RXFP1: variants seen among roughly 807,000 people sequenced by gnomAD.
RXFP1 encodes relaxin receptor 1.
RXFP1 carries 73 observed loss-of-function variants against 89.8 expected under a neutral mutation model. The observed-to-expected ratio is 0.81, with a 90% confidence interval of 0.67 to 0.99. RXFP1 has a LOEUF of 0.99. Among genes scored for constraint, RXFP1 ranks in the 50% least tolerant of loss-of-function variants. RXFP1 has a pLI of 0.00. For missense variants in RXFP1, 793 were observed against 895.5 expected (o/e 0.89, Z 1.46); for synonymous variants, 277 against 305.5 (o/e 0.91, Z 0.97).
intron 1 of RXFP1, among the ~76,000 whole-genome samples, chr4:158,564,904 A>T (rs564924066): frequency 6.6e-6 from 1 of 152,242 alleles, no homozygotes; most frequent in African/African-American, 2.4e-5. Flanking sequence ...CCCTATAAAC[A>T]TCACTTACTG....
At chr4:158,608,279 C>CTTTTTTTTTT (rs756131500) in intron 6 of RXFP1, among the ~76,000 whole-genome samples, 3 of 76,102 alleles carry the variant, frequency 3.9e-5, no homozygotes, top group Admixed American at 1.6e-4. Flanking sequence ...GTATTCCTTT[C>CTTTTTTTTTT]TTTTTTTTTT....
At chr4:158,626,790 T>A (rs1183880507) in intron 9 of RXFP1, 30 bp from the exon 10 acceptor site, 2 of 1,303,606 alleles carry the variant, frequency 1.5e-6, no homozygotes, top group East Asian at 4.8e-5. Context: ...GATTAAGATT[T>A]AGCTGTATCG....
intron 4 of RXFP1, among the ~76,000 whole-genome samples, chr4:158,604,221 C>G (rs1057095661): frequency 6.6e-6 from 1 of 151,944 alleles, no homozygotes; most frequent in Non-Finnish European, 1.5e-5. Context: ...CCAGACAATG[C>G]GGTCTGTTGC....
chr4:158,609,571 G>A (rs1039336201), intron 6 of RXFP1, among the ~76,000 whole-genome samples: 1 of 152,080 alleles, frequency 6.6e-6, no homozygotes, highest in Non-Finnish European at 1.5e-5. Flanking sequence ...GTATCCTAAC[G>A]CAAGAAACCC....
chr4:158,554,615 G>C (rs954101363), intron 1 of RXFP1, among the ~76,000 whole-genome samples: 6 of 151,582 alleles, frequency 4.0e-5, no homozygotes, highest in African/African-American at 1.5e-4. Flanking sequence ...TTTGTGTGTG[G>C]TTTCCTTTTT....
chr4:158,629,620 T>G lies in RXFP1; in HGVS notation c.899+911T>G, dbSNP rs34430849. 7.1e-3 allele frequency among the ~76,000 whole-genome samples: 1,086 copies of G among 152,148 alleles called. 13 individuals carry two copies. Among genetic ancestry groups the G allele is most frequent in the Non-Finnish European group, 0.01 (691 of 67,990 alleles). Reference sequence around the variant, plus strand: ...TATTTTAGTGTCAATTTTTTTCTTTTCATTTTTTGTTTGCTTTTTTTCTAG... The same window carrying G: ...TATTTTAGTGTCAATTTTTTTCTTTGCATTTTTTGTTTGCTTTTTTTCTAG... On this transcript the variant is annotated intron_variant, in intron 11 of 17. Coordinates refer to ENST00000307765, the MANE Select transcript of RXFP1 (RefSeq NM_021634.4).
At chr4:158,607,046 A>T in intron 5 of RXFP1, 1 of 1,533,820 alleles carries the variant, frequency 6.5e-7, no homozygotes. Context: ...ATAAACTTTC[A>T]GGACACTCTA....
In RXFP1 at chr4:158,599,444, G is replaced by C; in HGVS notation, c.392+13G>C. On this transcript the variant is annotated intron_variant, in intron 4 of 17. Coordinates refer to ENST00000307765, the MANE Select transcript of RXFP1 (RefSeq NM_021634.4). ...ATGTGACTGCAATGTAAGTAGAAAA[G>C]AATTACTTCATCCTGACAGCTGGGT... 1 of 1,607,052 alleles carries C rather than the reference G, an allele frequency of 6.2e-7. No homozygotes were observed. Among genetic ancestry groups the C allele is most frequent in the Non-Finnish European group, 8.5e-7 (1 of 1,175,028 alleles).
chr4:158,612,853 C>T (rs1041489294), intron 8 of RXFP1, among the ~76,000 whole-genome samples: 3 of 152,166 alleles, frequency 2.0e-5, no homozygotes, highest in Non-Finnish European at 4.4e-5. Context: ...TCATGATCCA[C>T]CCATCTTGGC....
chr4:158,646,547 T>C, intron 15 of RXFP1: 1 of 1,319,494 alleles, frequency 7.6e-7, no homozygotes, highest in Non-Finnish European at 9.7e-7. Context: ...AGACTTGCAC[T>C]TTAAAGGAAA....
chr4:158,648,470 A>G (rs1772000384), intron 16 of RXFP1, 29 bp from the exon 17 acceptor site: 1 of 1,289,622 alleles, frequency 7.8e-7, no homozygotes, highest in African/African-American at 1.5e-5. Flanking sequence ...ATTTCTATGC[A>G]TTAATAATAC....
At chr4:158,576,420 A>G (rs1181378074) in intron 2 of RXFP1, among the ~76,000 whole-genome samples, 2 of 151,790 alleles carry the variant, frequency 1.3e-5, no homozygotes, top group African/African-American at 4.8e-5. Flanking sequence ...AGAAAAAATA[A>G]TTATTTTAAA....
intron 1 of RXFP1, among the ~76,000 whole-genome samples, chr4:158,530,904 G>GA (rs1210062251): frequency 6.6e-6 from 1 of 152,110 alleles, no homozygotes; most frequent in Non-Finnish European, 1.5e-5. Context: ...CATTTTAATG[G>GA]AAAAAATCTG....
Position 158,593,443 on chromosome 4 carries a change from C to A in RXFP1, c.230C>A (p.Ala77Asp). The change falls in exon 3 of 18, where the codon GCC becomes GAC. Residue 77 changes from alanine (A) to aspartate (D), a missense_variant. Physicochemically the swap from Ala to Asp is moderately radical, Grantham distance 126 (BLOSUM62 -2). Coordinates refer to ENST00000307765, the MANE Select transcript of RXFP1 (RefSeq NM_021634.4). ...GWSLQFDKYF[A>D]SYYKMTSQYP... Reference sequence around the variant, plus strand: ...TCTCTGCAATTTGACAAATATTTTGCCAGTTACTACAAAATGACTTCCCAA... The same window carrying A: ...TCTCTGCAATTTGACAAATATTTTGACAGTTACTACAAAATGACTTCCCAA... 2 of 1,611,818 alleles carry A rather than the reference C, an allele frequency of 1.2e-6. No individual in the cohort carries two copies. The highest frequency in any genetic ancestry group is 1.7e-4 in the Middle Eastern group (1 of 6,046).
At chr4:158,552,852 C>T (rs141710108) in intron 1 of RXFP1, among the ~76,000 whole-genome samples, 41 of 152,284 alleles carry the variant, frequency 2.7e-4, no homozygotes, top group African/African-American at 9.6e-4. Context: ...TTATGTTCAA[C>T]AGATTTCCAA....
chr4:158,536,297 C>T (rs1745263357), intron 1 of RXFP1, among the ~76,000 whole-genome samples: 1 of 152,070 alleles, frequency 6.6e-6, no homozygotes, highest in Non-Finnish European at 1.5e-5. Flanking sequence ...ACATTTTAAT[C>T]AATAGTACTA....
chr4:158,623,502 C>CAAAAAAAAAAAAAAA (rs56692438), intron 9 of RXFP1, among the ~76,000 whole-genome samples: 28 of 42,634 alleles, frequency 6.6e-4, no homozygotes, highest in African/African-American at 1.6e-3. Flanking sequence ...AACTCCATCT[C>CAAAAAAAAAAAAAAA]AAAAAAAAAA....
At chr4:158,640,547 T>C (rs1770172143) in intron 14 of RXFP1, among the ~76,000 whole-genome samples, 1 of 152,138 alleles carries the variant, frequency 6.6e-6, no homozygotes, top group Admixed American at 6.6e-5. Flanking sequence ...CAGCTCTTTT[T>C]AACAATCAGA....
chr4:158,588,689 A>C (rs1758779253), intron 2 of RXFP1, among the ~76,000 whole-genome samples: 1 of 152,178 alleles, frequency 6.6e-6, no homozygotes, highest in African/African-American at 2.4e-5. Context: ...ATGTTGTCTG[A>C]AGTTTTTCAG....
Sources: allele counts gnomAD v4.1 joint callset (sites outside exome capture counted in the v4.1 genomes callset), GRCh38; gene constraint gnomAD v4.1.1; transcripts MANE v1.5; gene names NCBI Gene and HGNC (gene_info 2026-07-23, HGNC 2026-07-21).